Variants in SETBP1 observed in about 807,000 individuals in gnomAD.
The protein encoded by SETBP1 is SET binding protein 1, also known as SET-binding protein.
A neutral mutation model predicts 101.0 loss-of-function variants in SETBP1; 9 were observed. The ratio of observed to expected loss-of-function variants is 0.09; its 90% CI spans 0.05 to 0.16. The LOEUF is 0.16. Among genes scored for constraint, SETBP1 ranks in the 10% least tolerant of loss-of-function variants. SETBP1 has a pLI of 1.00. For missense variants in SETBP1, 1,858 were observed against 2,033.8 expected (o/e 0.91, Z 1.66); for synonymous variants, 818 against 788.5 (o/e 1.04, Z -0.63).
intron 2 of SETBP1, among the ~76,000 whole-genome samples, chr18:44,849,630 G>T (rs532643141): frequency 6.6e-6 from 1 of 151,906 alleles, no homozygotes; most frequent in African/African-American, 2.4e-5. Context: ...TGAGCCACAA[G>T]TGATGAAGGC....
intron 2 of SETBP1, among the ~76,000 whole-genome samples, chr18:44,819,100 G>T (rs561014402): frequency 6.6e-6 from 1 of 152,112 alleles, no homozygotes; most frequent in East Asian, 1.9e-4. Flanking sequence ...TATTCTCTGA[G>T]ATTGTTTCAT....
intron 2 of SETBP1, among the ~76,000 whole-genome samples, chr18:44,863,756 T>C (rs1396929827): frequency 1.3e-5 from 2 of 152,210 alleles, no homozygotes; most frequent in African/African-American, 4.8e-5. Context: ...TCTGTCTCTC[T>C]ACCTACCTAC....
intron 4 of SETBP1, among the ~76,000 whole-genome samples, chr18:45,007,199 A>C (rs1448990321): frequency 1.3e-5 from 2 of 152,164 alleles, no homozygotes; most frequent in Non-Finnish European, 2.9e-5. Context: ...TTCCTGAATC[A>C]GTTTCCAATT....
chr18:44,923,339 C>G lies in SETBP1; in HGVS notation c.541-26542C>G, dbSNP rs185739404. Reference sequence around the variant, plus strand: ...GCAACATGACTGAGTATTCCATAGGCAGGGGACAGAATTTCCATTTAACTA... The same window carrying G: ...GCAACATGACTGAGTATTCCATAGGGAGGGGACAGAATTTCCATTTAACTA... On this transcript the variant is annotated intron_variant, in intron 3 of 5. Transcript: ENST00000649279. Among the ~76,000 whole-genome samples, 11 of 152,258 alleles carry G rather than the reference C, an allele frequency of 7.2e-5. No homozygotes were observed. In the East Asian group the frequency reaches 2.1e-3, roughly 29 times the overall value.
chr18:44,916,988 G>A (rs2070443863), intron 3 of SETBP1, among the ~76,000 whole-genome samples: 1 of 152,192 alleles, frequency 6.6e-6, no homozygotes, highest in African/African-American at 2.4e-5. Context: ...TCAGTGCATG[G>A]CTGCTGTCCA....
chr18:44,750,576 C>T (rs147316538), intron 2 of SETBP1, among the ~76,000 whole-genome samples: 2 of 152,264 alleles, frequency 1.3e-5, no homozygotes, highest in African/African-American at 4.8e-5. Context: ...ATTGGACAAA[C>T]TTGGGAGATG....
intron 2 of SETBP1, among the ~76,000 whole-genome samples, chr18:44,838,310 G>C (rs752905531): frequency 3.3e-5 from 5 of 151,966 alleles, no homozygotes; most frequent in African/African-American, 1.2e-4. Flanking sequence ...AGCTGTATTC[G>C]CTTCACACCC....
At chr18:44,733,710 C>G (rs907742441) in intron 2 of SETBP1, among the ~76,000 whole-genome samples, 3 of 152,164 alleles carry the variant, frequency 2.0e-5, no homozygotes, top group Non-Finnish European at 4.4e-5. Flanking sequence ...TTTCAGTGTT[C>G]CATCAAGGGG....
intron 2 of SETBP1, among the ~76,000 whole-genome samples, chr18:44,707,401 C>A (rs551667538): frequency 2.0e-4 from 31 of 152,270 alleles, no homozygotes; most frequent in African/African-American, 7.0e-4. Context: ...TTGCTTTTGA[C>A]AAAAATACAA....
At chr18:44,769,390 AT>A (rs2070827588) in intron 2 of SETBP1, among the ~76,000 whole-genome samples, 1 of 152,152 alleles carries the variant, frequency 6.6e-6, no homozygotes, top group Non-Finnish European at 1.5e-5. Flanking sequence ...AAGTCCTGAT[AT>A]TTTTTTCAGA....
intron 4 of SETBP1, among the ~76,000 whole-genome samples, chr18:44,966,737 G>C (rs901184294): frequency 2.6e-5 from 4 of 152,122 alleles, no homozygotes; most frequent in African/African-American, 9.7e-5. Context: ...AATTTCTAAC[G>C]CAGCTTAGTA....
chr18:44,930,886 C>T (rs2070817030), intron 3 of SETBP1, among the ~76,000 whole-genome samples: 2 of 151,458 alleles, frequency 1.3e-5, no homozygotes, highest in African/African-American at 2.4e-5. Context: ...AAAAAAAAAA[C>T]TGCTCCTGGA....
chr18:44,961,331 G>A (rs541349930), intron 4 of SETBP1, among the ~76,000 whole-genome samples: 42 of 152,342 alleles, frequency 2.8e-4, no homozygotes, highest in Admixed American at 6.5e-4. Flanking sequence ...ACATATTGGT[G>A]ACCCTGAAGA....
intron 4 of SETBP1, among the ~76,000 whole-genome samples, chr18:44,968,232 G>A (rs764956324): frequency 3.2e-4 from 48 of 152,126 alleles, no homozygotes; most frequent in Middle Eastern, 3.4e-3. Flanking sequence ...AGAAAATATT[G>A]CACTTATTCA....
intron 4 of SETBP1, among the ~76,000 whole-genome samples, chr18:44,954,957 T>G (rs925197408): frequency 3.0e-4 from 46 of 152,222 alleles, no homozygotes; most frequent in African/African-American, 1.0e-3. Context: ...GTTCTTATTT[T>G]TGTAATTTTA....
At chr18:44,784,875 A>G (rs1239720448) in intron 2 of SETBP1, among the ~76,000 whole-genome samples, 1 of 152,196 alleles carries the variant, frequency 6.6e-6, no homozygotes, top group Non-Finnish European at 1.5e-5. Flanking sequence ...GCCAAAATGT[A>G]TATGTATTTA....
At chr18:44,750,122 A>G (rs150548079) in intron 2 of SETBP1, among the ~76,000 whole-genome samples, 1 of 152,310 alleles carries the variant, frequency 6.6e-6, no homozygotes, top group East Asian at 1.9e-4. Flanking sequence ...TGGTTTATTG[A>G]TAGGAGAAGT....
At chr18:45,038,768 C>G (rs79988264) in intron 5 of SETBP1, 113 bp downstream of exon 5, 18 of 1,126,770 alleles carry the variant, frequency 1.6e-5, no homozygotes, top group Non-Finnish European at 2.2e-5. Context: ...GCCATCCTCC[C>G]CTAGACTCTG....
chr18:44,939,546 G>A (rs1441973421), intron 3 of SETBP1, among the ~76,000 whole-genome samples: 1 of 152,214 alleles, frequency 6.6e-6, no homozygotes, highest in East Asian at 1.9e-4. Flanking sequence ...AAGTCTAATT[G>A]TGGATGTATG....
Sources: gnomAD v4.1 joint callset for allele counts (sites outside exome capture counted in the v4.1 genomes callset) on GRCh38, gnomAD v4.1.1 for gene constraint, MANE v1.5 for transcripts, NCBI Gene and HGNC (gene_info 2026-07-23, HGNC 2026-07-21) for gene names.